TBC1D5: variants seen among roughly 807,000 people sequenced by gnomAD.
TBC1D5 encodes the protein TBC1 domain family, member 5.
TBC1D5 carries 75 observed loss-of-function variants against 100.3 expected under a neutral mutation model. The ratio of observed to expected loss-of-function variants is 0.75; its 90% confidence interval spans 0.62 to 0.91. The LOEUF (loss-of-function observed/expected upper bound fraction) is 0.91. Among genes scored for constraint, TBC1D5 ranks in the 40% least tolerant of loss-of-function variants. The probability of loss-of-function intolerance (pLI) is 0.00; values close to 1 mark genes in which losing one functional copy is unlikely to be tolerated. For missense variants in TBC1D5, 910 were observed against 942.4 expected, an observed-to-expected ratio of 0.97 and a Z score of 0.45; for synonymous variants, 323 against 325.6, an observed-to-expected ratio of 0.99 and a Z score of 0.09.
intron 16 of TBC1D5, among the ~76,000 whole-genome samples, chr3:17,256,467 C>T (rs960164835): frequency 2.9e-5 from 4 of 139,252 alleles, no homozygotes; most frequent in African/African-American, 1.1e-4. Context: ...TATATATAAA[C>T]TCAATGTGTT....
intron 19 of TBC1D5, among the ~76,000 whole-genome samples, chr3:17,170,130 TTGAGAAAGA>T (rs2067029780): frequency 6.6e-6 from 1 of 152,126 alleles, no homozygotes; most frequent in South Asian, 2.1e-4. Context: ...TTTTAGAGGA[TTGAGAAAGA>T]TGACCTTGTT....
intron 8 of TBC1D5, among the ~76,000 whole-genome samples, chr3:17,389,054 T>C (rs539539243): frequency 6.6e-6 from 1 of 152,308 alleles, no homozygotes; most frequent in East Asian, 1.9e-4. Flanking sequence ...GTTGATATTA[T>C]CTCTTAAGAT....
intron 3 of TBC1D5, chr3:17,465,108 G>A (rs893973859): frequency 6.6e-6 from 1 of 152,126 alleles, no homozygotes; most frequent in African/African-American, 2.4e-5. Context: ...AAACCTGATT[G>A]TTCACTTTTA....
intron 1 of TBC1D5, among the ~76,000 whole-genome samples, chr3:17,686,602 T>C (rs1194821298): frequency 2.0e-5 from 3 of 152,174 alleles, no homozygotes; most frequent in Non-Finnish European, 4.4e-5. Flanking sequence ...AGTGCCCAAG[T>C]GGCAGGAAAG....
intron 17 of TBC1D5, among the ~76,000 whole-genome samples, chr3:17,233,343 C>G (rs1320853425): frequency 5.3e-5 from 8 of 152,176 alleles, no homozygotes; most frequent in Admixed American, 5.2e-4. Context: ...AATACTGTCA[C>G]AGAGCACCAG....
intron 15 of TBC1D5, among the ~76,000 whole-genome samples, chr3:17,289,375 A>C (rs1020580886): frequency 6.6e-6 from 1 of 151,946 alleles, no homozygotes. Flanking sequence ...CCTTCTGTGG[A>C]GGTCCCCAGC....
chr3:17,555,003 C>T (rs910337791), intron 2 of TBC1D5, among the ~76,000 whole-genome samples: 1 of 152,054 alleles, frequency 6.6e-6, no homozygotes, highest in Non-Finnish European at 1.5e-5. Context: ...GCACGTGCCA[C>T]CACGTCCAGC....
chr3:17,341,521 T>C (rs1313603959), intron 13 of TBC1D5, among the ~76,000 whole-genome samples: 2 of 152,074 alleles, frequency 1.3e-5, no homozygotes, highest in African/African-American at 2.4e-5. Context: ...TAAAAGGTAT[T>C]TCCCTCATCT....
intron 1 of TBC1D5, among the ~76,000 whole-genome samples, chr3:17,641,935 T>A (rs1352773611): frequency 6.6e-6 from 1 of 152,136 alleles, no homozygotes; most frequent in Non-Finnish European, 1.5e-5. Context: ...AAATGCAATG[T>A]TTTAAAATAG....
At chr3:17,177,463 G>A (rs191459781) in intron 19 of TBC1D5, among the ~76,000 whole-genome samples, 2 of 152,342 alleles carry the variant, frequency 1.3e-5, no homozygotes, top group Admixed American at 1.3e-4. Flanking sequence ...AGGATGCTAG[G>A]GGAGGCAGTG....
intron 13 of TBC1D5, among the ~76,000 whole-genome samples, chr3:17,358,605 C>CA (rs1277304534): frequency 6.6e-6 from 1 of 152,172 alleles, no homozygotes; most frequent in African/African-American, 2.4e-5. Flanking sequence ...TCTCAGCTTA[C>CA]AACTCATTCT....
intron 16 of TBC1D5, among the ~76,000 whole-genome samples, chr3:17,244,010 T>C (rs1382868331): frequency 6.6e-6 from 1 of 152,074 alleles, no homozygotes; most frequent in African/African-American, 2.4e-5. Flanking sequence ...ACATACAATA[T>C]AGTGAGGGAT....
chr3:17,666,536 A>G (rs2067271246), intron 1 of TBC1D5, among the ~76,000 whole-genome samples: 1 of 152,184 alleles, frequency 6.6e-6, no homozygotes, highest in Non-Finnish European at 1.5e-5. Context: ...TTAGAACTGC[A>G]ATATTGTATA....
At chr3:17,652,776 C>G (rs566103874) in intron 1 of TBC1D5, among the ~76,000 whole-genome samples, 2 of 152,040 alleles carry the variant, frequency 1.3e-5, no homozygotes, top group Non-Finnish European at 2.9e-5. Flanking sequence ...CAAATGAAAG[C>G]CAGAAGAATT....
chr3:17,517,947 A>G (rs1176536338), intron 2 of TBC1D5, among the ~76,000 whole-genome samples: 1 of 152,226 alleles, frequency 6.6e-6, no homozygotes, highest in East Asian at 1.9e-4. Flanking sequence ...GAAATAAAGT[A>G]TATGGGGACA....
chr3:17,710,433 G>A (rs992346539), intron 1 of TBC1D5, among the ~76,000 whole-genome samples: 19 of 151,990 alleles, frequency 1.3e-4, no homozygotes, highest in African/African-American at 3.1e-4. Context: ...GTATGGTGCC[G>A]CATGATTGTA....
exon 21 of TBC1D5, chr3:17,166,906 G>C (rs761476293): frequency 6.2e-6 from 10 of 1,606,892 alleles, no homozygotes; most frequent in South Asian, 5.6e-5. Context: ...AAAACGCAGG[G>C]AACCTTTTAG....
chr3:17,219,401 A>T (rs2074022699), intron 17 of TBC1D5, among the ~76,000 whole-genome samples: 1 of 151,382 alleles, frequency 6.6e-6, no homozygotes, highest in Admixed American at 6.6e-5. Context: ...TTATCCAGTA[A>T]GTTTAATGTC....
In TBC1D5 at chr3:17,184,850, G is replaced by A. The variant is rs1389568197; in HGVS notation, c.1852+259C>T. 8 of 223,290 alleles carry A rather than the reference G, an allele frequency of 3.6e-5. No homozygotes were observed. The South Asian group carries it at 4.8e-4, about 13-fold the overall frequency. The allele number at this position is 223,290 out of a possible 1,614,324, so 13.8% of individuals were successfully genotyped here. ...GAGCCACGGCATCCAGCTTATAATC[G>A]GATTGCTTGATTTTGAATTTCCACT... On this transcript the variant is annotated intron_variant, in intron 19 of 21. Transcript: ENST00000253692.
Sources: allele counts gnomAD v4.1 joint callset (sites outside exome capture counted in the v4.1 genomes callset), GRCh38; gene constraint gnomAD v4.1.1; transcripts MANE v1.5; gene names NCBI Gene and HGNC (gene_info 2026-07-23, HGNC 2026-07-21).